The following RBFOX3 variants were observed in gnomAD, a reference collection of about 807,000 sequenced individuals.
RBFOX3 encodes the protein RNA binding fox-1 homolog 3.
In RBFOX3, 17 loss-of-function variants were observed where a neutral mutation model predicts 48.7. That is an observed-to-expected ratio of 0.35 (90% CI 0.24 to 0.52). The LOEUF is 0.52. RBFOX3 is among the 20% of genes least tolerant of loss of function. The probability of loss-of-function intolerance (pLI) is 0.94; values close to 1 mark genes in which losing one functional copy is unlikely to be tolerated. For missense variants in RBFOX3, 382 were observed against 497.5 expected (o/e 0.77, Z 2.21); for synonymous variants, 212 against 209.5 (o/e 1.01, Z -0.10).
the RBFOX3 span, among the ~76,000 whole-genome samples, chr17:79,620,424 C>T: frequency 8.0e-5 from 12 of 150,780 alleles, no homozygotes; most frequent in South Asian, 2.1e-4. Flanking sequence ...CATGCACACA[C>T]GCACGTGCAC....
intron 14 of RBFOX3, chr17:79,094,135 T>C (rs2074640749): frequency 2.5e-6 from 1 of 394,242 alleles, no homozygotes; most frequent in Non-Finnish European, 4.5e-6. Flanking sequence ...CTGGTGGAAA[T>C]GGGAATGGAG....
At chr17:79,651,939 A>T in the RBFOX3 span, among the ~76,000 whole-genome samples, 2 of 144,708 alleles carry the variant, frequency 1.4e-5, no homozygotes, top group African/African-American at 5.2e-5. Flanking sequence ...GTGCCGAGGA[A>T]CTGCAGCTCC....
chr17:79,515,721 C>T (rs1404619255), intron 1 of RBFOX3, among the ~76,000 whole-genome samples: 6 of 152,260 alleles, frequency 3.9e-5, no homozygotes, highest in African/African-American at 1.4e-4. Context: ...TGGGTCCTTG[C>T]TGTGGCAACC....
chr17:79,210,839 CCTT>C (rs1168882808), intron 4 of RBFOX3, among the ~76,000 whole-genome samples: 5 of 151,464 alleles, frequency 3.3e-5, no homozygotes, highest in Admixed American at 6.6e-5. Context: ...GTTTCCAACA[CCTT>C]CTCCAGCGTC....
chr17:79,444,102 A>G (rs1156458202), intron 2 of RBFOX3, among the ~76,000 whole-genome samples: 7 of 152,172 alleles, frequency 4.6e-5, no homozygotes, highest in Non-Finnish European at 1.5e-5. Flanking sequence ...TCAGTGAATC[A>G]TTAGGGGGAC....
At chr17:79,394,733 G>A (rs1389884964) in intron 2 of RBFOX3, among the ~76,000 whole-genome samples, 1 of 152,202 alleles carries the variant, frequency 6.6e-6, no homozygotes, top group Non-Finnish European at 1.5e-5. Flanking sequence ...CAACACTGAA[G>A]CCTGAGCCCC....
At chr17:79,351,253 A>G (rs1427254598) in intron 2 of RBFOX3, among the ~76,000 whole-genome samples, 2 of 152,204 alleles carry the variant, frequency 1.3e-5, no homozygotes, top group Admixed American at 6.5e-5. Context: ...GCTGTGTTCA[A>G]TTCTCTGGGG....
At chr17:79,553,232 CGT>C (rs1275479543) in intron 1 of RBFOX3, among the ~76,000 whole-genome samples, 2 of 152,122 alleles carry the variant, frequency 1.3e-5, no homozygotes, top group Non-Finnish European at 1.5e-5. Context: ...AAAAGATAAT[CGT>C]GTGTTAATTC....
At chr17:79,615,206 C>T (rs2093989211), upstream of RBFOX3, among the ~76,000 whole-genome samples, 1 of 152,184 alleles carries the variant, frequency 6.6e-6, no homozygotes, top group South Asian at 2.1e-4. Flanking sequence ...TGATTTCTGG[C>T]CTGGAATCCC....
chr17:79,658,528 T>C, the RBFOX3 span, among the ~76,000 whole-genome samples: 1 of 150,962 alleles, frequency 6.6e-6, no homozygotes, highest in African/African-American at 2.4e-5. Context: ...CCATGGATAA[T>C]TCTACCCATC....
At chr17:79,280,673 A>T (rs1289175489) in intron 3 of RBFOX3, among the ~76,000 whole-genome samples, 2 of 152,248 alleles carry the variant, frequency 1.3e-5, no homozygotes, top group Non-Finnish European at 2.9e-5. Flanking sequence ...TTTTGGTCAC[A>T]GTCATGTAGA....
At chr17:79,325,230 C>T (rs892432914) in intron 2 of RBFOX3, among the ~76,000 whole-genome samples, 3 of 152,184 alleles carry the variant, frequency 2.0e-5, no homozygotes, top group Non-Finnish European at 4.4e-5. Flanking sequence ...GCATCCCCAG[C>T]CCCCTGGGTG....
rs148446520 is a variant in RBFOX3 at position 79,413,712 on chromosome 17, G to A, written c.-175+68742C>T. ...AGGGGAGGGGGCTGGAAGGCAGCCC[G>A]AGGAGCAGCAGGCCGCGAGCCCACA... On this transcript the variant is annotated intron_variant, in intron 2 of 14. Transcript: ENST00000693108. Among the ~76,000 whole-genome samples the A allele has an allele frequency of 6.7e-3, 1,023 of 152,312 alleles. 10 individuals are homozygous for A. Among genetic ancestry groups the A allele is most frequent in the Middle Eastern group, 0.014 (4 of 294 alleles).
At position 79,243,012 on chromosome 17, in the gene RBFOX3, G is replaced by A. The variant is rs925590133; in HGVS notation, c.-73-7207C>T. Among the ~76,000 whole-genome samples the A allele has an allele frequency of 5.3e-5, 8 of 151,834 alleles. No individual in the cohort carries two copies. The highest frequency in any genetic ancestry group is 1.4e-4 in the African/African-American group (6 of 41,508). ...CATGCCTAGCACTTGCTGAATGTAT[G>A]CCAGGCTACCTGCTGGGGACTGTGT... On this transcript the variant is annotated intron_variant, in intron 3 of 14. Coordinates refer to ENST00000693108, the MANE Select transcript of RBFOX3 (RefSeq NM_001350451.2). The surrounding 1 kb of genome is among the most constrained non-coding windows in gnomAD (Gnocchi z 7.9).
At chr17:79,650,627 G>T in the RBFOX3 span, among the ~76,000 whole-genome samples, 2,201 of 152,086 alleles carry the variant, frequency 0.014, 52 homozygotes, top group African/African-American at 0.05. Context: ...AGAAGTCTCC[G>T]GCCCCTCCAC....
chr17:79,458,621 A>G lies in RBFOX3; in HGVS notation c.-175+23833T>C, dbSNP rs549776006. ...TAAAAAAAAAAAAGGTTGAAAACTA[A>G]GAATTGTCACAGCAAGTAAGTGAGC... On this transcript the variant is annotated intron_variant, in intron 2 of 14. Coordinates refer to ENST00000693108, the MANE Select transcript of RBFOX3 (RefSeq NM_001350451.2). Among the ~76,000 whole-genome samples, 206 of 151,292 alleles carry G rather than the reference A, an allele frequency of 1.4e-3. 3 individuals are homozygous for G. In the South Asian group the frequency reaches 0.042, roughly 31 times the overall value.
upstream of RBFOX3, among the ~76,000 whole-genome samples, chr17:79,613,114 C>A (rs2093981288): frequency 6.6e-6 from 1 of 152,190 alleles, no homozygotes; most frequent in Non-Finnish European, 1.5e-5. Context: ...GAAGAGGGGT[C>A]CCTGCAAAGC....
intron 3 of RBFOX3, among the ~76,000 whole-genome samples, chr17:79,292,344 C>T (rs2073432194): frequency 6.6e-6 from 1 of 152,002 alleles, no homozygotes; most frequent in African/African-American, 2.4e-5. Context: ...AGAATTTATT[C>T]TATTGTGCCT....
At chr17:79,382,671 G>T (rs934165626) in intron 2 of RBFOX3, among the ~76,000 whole-genome samples, 1 of 152,230 alleles carries the variant, frequency 6.6e-6, no homozygotes. Flanking sequence ...GCATTTCCAA[G>T]GCTTCAGTGC....
Sources: gnomAD v4.1 joint callset for allele counts (sites outside exome capture counted in the v4.1 genomes callset) on GRCh38, gnomAD v4.1.1 for gene constraint, Gnocchi (gnomAD v3.1) non-coding constraint, MANE v1.5 for transcripts, NCBI Gene and HGNC (gene_info 2026-07-23, HGNC 2026-07-21) for gene names.